The following PCTP variants were observed in gnomAD, a reference collection of about 807,000 sequenced individuals.
The protein encoded by PCTP is phosphatidylcholine transfer protein.
In PCTP, 27 loss-of-function variants were observed where a neutral mutation model predicts 31.0. The ratio of observed to expected loss-of-function variants is 0.87; its 90% CI spans 0.64 to 1.20. The LOEUF (loss-of-function observed/expected upper bound fraction) is 1.20. Among genes scored for constraint, PCTP ranks in the 50% most tolerant of loss-of-function variants. PCTP has a pLI of 0.00. For synonymous variants in PCTP, 108 were observed against 101.2 expected, an observed-to-expected ratio of 1.07 and a Z score of -0.40; for missense variants, 287 against 268.2, an observed-to-expected ratio of 1.07 and a Z score of -0.49.
chr17:55,773,694 G>A (rs758576706), intron 3 of PCTP, 30 bp from the exon 4 acceptor site: 79 of 1,585,180 alleles, frequency 5.0e-5, no homozygotes, highest in Middle Eastern at 1.8e-4. Context: ...CAATGCTGGC[G>A]TTGGTGTCTT....
chr17:55,771,112 A>G lies in PCTP; in HGVS notation c.266A>G (p.Tyr89Cys), dbSNP rs1438636953. 2 of 1,612,720 alleles carry G rather than the reference A, an allele frequency of 1.2e-6. No homozygotes were observed. Among genetic ancestry groups the G allele is most frequent in the Admixed American group, 1.7e-5 (1 of 60,020 alleles). The change falls in exon 3 of 6, where the codon TAT becomes TGT. Residue 89 changes from tyrosine (Y) to cysteine (C), a missense_variant. By Grantham distance (194) the Tyr-to-Cys change is radical. Transcript: ENST00000268896. ...TTCTTTTGCTTTCCTTTAGAACTCT[A>G]TGAACAAGAATGCAACGGAGAGACT... is the stretch of plus-strand genomic sequence containing the variant. ...KQWDQYVKEL[Y>C]EQECNGETVV...
At position 55,767,375 on chromosome 17, in the gene PCTP, A is replaced by C. The variant is rs1255593842; in HGVS notation, c.182A>C (p.Glu61Ala). 6.2e-7 allele frequency: 1 copy of C among 1,613,154 alleles called. No homozygotes were observed. The highest frequency in any genetic ancestry group is 1.7e-5 in the Admixed American group (1 of 59,980). ...GAGTATAAAGTCTTTGGTGTTCTGG[A>C]GGACTGCTCACCAACTCTACTGGCA... ...LYEYKVFGVLEDCSPTLLADI... is the reference protein window; with the variant it reads ...LYEYKVFGVLADCSPTLLADI... The change falls in exon 2 of 6, where the codon GAG becomes GCG. Residue 61 changes from glutamate to alanine, a missense_variant. Transcript: ENST00000268896.
rs767371362 is a variant in PCTP at position 55,776,662 on chromosome 17, T to G, written c.*562T>G. ...TTATGCTTTGTGGAGCTGATTAGGC[T>G]GGGATTTGAGGTGATAATCCAGTAA... On this transcript the variant is annotated 3_prime_UTR_variant, in exon 6 of 6. Coordinates refer to ENST00000268896, the MANE Select transcript of PCTP (RefSeq NM_021213.4). 290 of 1,227,840 alleles carry G rather than the reference T, an allele frequency of 2.4e-4. No homozygotes were observed. The highest frequency in any genetic ancestry group is 1.3e-3 in the South Asian group (30 of 23,446). 76.1% of individuals were successfully genotyped at this position (1,227,840 alleles called of 1,614,324 possible). A position where few individuals can be genotyped will look rare whatever the true frequency, so the allele number is the denominator to read the frequency against.
At chr17:55,773,114 T>C (rs893629483) in intron 3 of PCTP, among the ~76,000 whole-genome samples, 6 of 152,352 alleles carry the variant, frequency 3.9e-5, no homozygotes, top group Admixed American at 1.3e-4. Flanking sequence ...GGTAAACTAG[T>C]GTTAGCCCAG....
downstream of PCTP, among the ~76,000 whole-genome samples, chr17:55,843,936 G>A (rs1906065217): frequency 6.6e-6 from 1 of 152,120 alleles, no homozygotes; most frequent in Non-Finnish European, 1.5e-5. Context: ...TGACAGAGAT[G>A]GAGCTCAGAA....
At chr17:55,800,030 T>C (rs192416683) in intron 3 of PCTP, among the ~76,000 whole-genome samples, 2 of 152,286 alleles carry the variant, frequency 1.3e-5, no homozygotes, top group Non-Finnish European at 2.9e-5. Context: ...TCAACCTTGG[T>C]GAATCTGATG....
chr17:55,824,487 C>T (rs879364826), downstream of PCTP, among the ~76,000 whole-genome samples: 1 of 152,200 alleles, frequency 6.6e-6, no homozygotes, highest in Admixed American at 6.5e-5. Flanking sequence ...CTCCATTTTA[C>T]AGCTTGCCTG....
intron 5 of PCTP, among the ~76,000 whole-genome samples, chr17:55,832,243 A>G (rs1905626241): frequency 6.6e-6 from 1 of 152,258 alleles, no homozygotes; most frequent in Admixed American, 6.5e-5. Flanking sequence ...CCTTGAGGGC[A>G]AGCTCTGTGT....
chr17:55,773,867 C>T lies in PCTP; in HGVS notation c.483C>T (p.Ile161=), dbSNP rs2960062. Residue 161 remains isoleucine, a synonymous_variant, in exon 4 of 6, where the codon ATC becomes ATT. Transcript: ENST00000268896. ...RVKQYKQSLA[I]ESDGKKGSKV... Reference sequence around the variant, plus strand: ...AGCAATACAAGCAGAGCCTGGCGATCGAGAGTGACGGCAAGAAGGGGAGCA... The same window carrying T: ...AGCAATACAAGCAGAGCCTGGCGATTGAGAGTGACGGCAAGAAGGGGAGCA... The T allele has an allele frequency of 0.94, 1,510,097 of 1,609,492 alleles. 718,752 individuals are homozygous for T. Among genetic ancestry groups the T allele is most frequent in the Non-Finnish European group, 0.97 (1,147,104 of 1,177,544 alleles).
intron 1 of PCTP, 108 bp downstream of exon 1, chr17:55,751,352 T>C: frequency 2.0e-6 from 3 of 1,525,762 alleles, no homozygotes; most frequent in Non-Finnish European, 2.6e-6. Flanking sequence ...GCGCGTCTTC[T>C]CCGGCTCAGG....
downstream of PCTP, among the ~76,000 whole-genome samples, chr17:55,824,528 T>C (rs943819782): frequency 1.3e-5 from 2 of 152,222 alleles, no homozygotes; most frequent in East Asian, 3.8e-4. Context: ...GCAAAGTATC[T>C]AACATCAAAG....
At position 55,789,256 on chromosome 17, in the gene PCTP, T is replaced by A. The variant is rs186556803; in HGVS notation, c.317+1602T>A. ...TGAGTACCCATTTATGCTTTTCTCTTTCCTCTTTGAAAAATAAAATTCTCA... is the reference window on the plus strand; with the variant it reads ...TGAGTACCCATTTATGCTTTTCTCTATCCTCTTTGAAAAATAAAATTCTCA... On this transcript the variant is annotated intron_variant, in intron 3 of 3. Coordinates refer to the PCTP transcript ENST00000572536. Among the ~76,000 whole-genome samples the A allele has an allele frequency of 2.5e-3, 386 of 152,310 alleles. 1 individual carries two copies. Among genetic ancestry groups the A allele is most frequent in the South Asian group, 5.2e-3 (25 of 4,824 alleles).
intron 5 of PCTP, among the ~76,000 whole-genome samples, chr17:55,834,486 C>T (rs1000306997): frequency 6.6e-6 from 1 of 152,196 alleles, no homozygotes; most frequent in African/African-American, 2.4e-5. Flanking sequence ...GATCTAGCCA[C>T]CAGGAAAGAG....
chr17:55,754,108 G>A (rs771608310), intron 1 of PCTP, among the ~76,000 whole-genome samples: 6 of 152,222 alleles, frequency 3.9e-5, no homozygotes, highest in East Asian at 1.9e-4. Flanking sequence ...CAGTTTTGCG[G>A]TGGACGTCAG....
At chr17:55,805,129 T>C (rs1332257952) in intron 3 of PCTP, among the ~76,000 whole-genome samples, 1 of 152,148 alleles carries the variant, frequency 6.6e-6, no homozygotes, top group Non-Finnish European at 1.5e-5. Context: ...GCAACTGAAT[T>C]TGGGGATGGG....
intron 3 of PCTP, among the ~76,000 whole-genome samples, chr17:55,792,182 G>T (rs1405398544): frequency 1.4e-5 from 2 of 147,254 alleles, no homozygotes; most frequent in Non-Finnish European, 1.5e-5. Flanking sequence ...GGGAGGGTTA[G>T]CATTGGGAGA....
intron 3 of PCTP, among the ~76,000 whole-genome samples, chr17:55,817,635 A>G (rs1598015131): frequency 6.6e-6 from 1 of 152,172 alleles, no homozygotes. Flanking sequence ...TGGAGAACTG[A>G]TGACTGTGAG....
intron 1 of PCTP, among the ~76,000 whole-genome samples, chr17:55,757,674 T>G (rs553819361): frequency 2.4e-4 from 37 of 152,304 alleles, no homozygotes; most frequent in Middle Eastern, 6.8e-3. Flanking sequence ...ATAGATACTC[T>G]TCTTTTTTAT....
intron 3 of PCTP, chr17:55,822,740 T>G: frequency 8.2e-7 from 1 of 1,223,832 alleles, no homozygotes; most frequent in Non-Finnish European, 1.0e-6. Context: ...CATCCTTTGC[T>G]CTTTCCATTT....
Sources: allele counts gnomAD v4.1 joint callset (sites outside exome capture counted in the v4.1 genomes callset), GRCh38; gene constraint gnomAD v4.1.1; transcripts MANE v1.5; gene names NCBI Gene and HGNC (gene_info 2026-07-23, HGNC 2026-07-21).